Variants in SBF2 observed in about 807,000 individuals in gnomAD.
SBF2 encodes the protein myotubularin-related protein 13.
In SBF2, 112 loss-of-function variants were observed where a neutral mutation model predicts 225.2. The observed-to-expected ratio is 0.50, with a 90% confidence interval of 0.43 to 0.58. The LOEUF is 0.58. SBF2 is among the 20% of genes least tolerant of loss of function. The pLI, the probability that SBF2 is intolerant of heterozygous loss-of-function variation, is 0.00. For missense variants in SBF2, 1,996 were observed against 2,206.2 expected (o/e 0.90, Z 1.91); for synonymous variants, 763 against 773.3 (o/e 0.99, Z 0.22).
At chr11:10,056,355 G>A (rs895901382) in intron 2 of SBF2, among the ~76,000 whole-genome samples, 1 of 152,154 alleles carries the variant, frequency 6.6e-6, no homozygotes, top group Non-Finnish European at 1.5e-5. Flanking sequence ...TAATGATACT[G>A]ATTCTTCCTA....
chr11:10,042,547 GGAAAA>G, intron 3 of SBF2, among the ~76,000 whole-genome samples: 1 of 152,112 alleles, frequency 6.6e-6, no homozygotes, highest in South Asian at 2.1e-4. Context: ...GGGCTGGCAG[GGAAAA>G]TCACAGGTTC....
rs139451435 is a variant in SBF2, at chr11:9,958,638, G to C, written c.1860+3319C>G. The stretch of plus-strand genomic sequence containing the variant: ...CTCCCAAAGTGCTGGGATTACAGGC[G>C]TGAGCATCCTTTCAGTTACAATTAG... On this transcript the variant is annotated intron_variant, in intron 16 of 39. Coordinates refer to ENST00000256190, the MANE Select transcript of SBF2 (RefSeq NM_030962.4). 7.2e-5 allele frequency: 19 copies of C among 262,654 alleles called. 1 individual carries two copies. In the South Asian group the frequency reaches 8.4e-4, roughly 12 times the overall value. The allele number at this position is 262,654 out of a possible 1,614,324, so 16.3% of individuals were successfully genotyped here.
At chr11:9,913,643 AAAAAT>A (rs142122670) in intron 16 of SBF2, among the ~76,000 whole-genome samples, 38,727 of 144,640 alleles carry the variant, frequency 0.27, 6,023 homozygotes, top group African/African-American at 0.44. Context: ...CTGAGATTAA[AAAAAT>A]AAAATAAAAT....
In SBF2 at chr11:10,229,280, T is replaced by C. The variant is rs181853994; in HGVS notation, c.56-35293A>G. Among the ~76,000 whole-genome samples the C allele has an allele frequency of 3.8e-3, 585 of 152,282 alleles. 4 individuals carry two copies. The highest frequency in any genetic ancestry group is 5.4e-3 in the South Asian group (26 of 4,822). On this transcript the variant is annotated intron_variant, in intron 1 of 39. Coordinates refer to ENST00000256190, the MANE Select transcript of SBF2 (RefSeq NM_030962.4). ...TTCAAAAAACCAGCTCCTGGATTCA[T>C]TGATTTTTTGAAGGGTTTTTTGTGT...
intron 17 of SBF2, among the ~76,000 whole-genome samples, chr11:9,873,825 G>A (rs930060161): frequency 6.6e-6 from 1 of 152,168 alleles, no homozygotes; most frequent in Non-Finnish European, 1.5e-5. Flanking sequence ...GAGGCGGGTG[G>A]ATCACCTGAG....
chr11:10,074,354 T>G (rs1430675140), intron 2 of SBF2, among the ~76,000 whole-genome samples: 1 of 152,224 alleles, frequency 6.6e-6, no homozygotes. Flanking sequence ...ATGTTGAACA[T>G]GTTTGAATCA....
At chr11:10,092,275 A>AT (rs1019004928) in intron 2 of SBF2, among the ~76,000 whole-genome samples, 43 of 152,238 alleles carry the variant, frequency 2.8e-4, no homozygotes, top group African/African-American at 9.6e-4. Flanking sequence ...TAATATGCTA[A>AT]TTTTTTTCTT....
At chr11:9,964,019 G>T in intron 14 of SBF2, 137 bp from the exon 15 acceptor site, 1 of 635,784 alleles carries the variant, frequency 1.6e-6, no homozygotes, top group Non-Finnish European at 2.8e-6. Flanking sequence ...GGGAGGCTGA[G>T]GTGGGATGAT....
chr11:9,922,651 TGTA>T, intron 16 of SBF2, among the ~76,000 whole-genome samples: 1 of 152,220 alleles, frequency 6.6e-6, no homozygotes, highest in East Asian at 1.9e-4. Context: ...AAAGACCATC[TGTA>T]GTGTACTGAA....
intron 6 of SBF2, among the ~76,000 whole-genome samples, chr11:10,025,459 G>C (rs184773334): frequency 2.8e-4 from 42 of 152,120 alleles, no homozygotes; most frequent in African/African-American, 1.0e-3. Context: ...GTACTGATCA[G>C]CTTCTCAGCC....
intron 35 of SBF2, 55 bp from the exon 36 acceptor site, chr11:9,787,793 C>T: frequency 1.4e-6 from 2 of 1,442,104 alleles, no homozygotes; most frequent in South Asian, 2.3e-5. Flanking sequence ...CAGGATGGGC[C>T]CCAAAGCCAC....
chr11:10,208,205 G>A (rs1957808275), intron 1 of SBF2, among the ~76,000 whole-genome samples: 1 of 151,934 alleles, frequency 6.6e-6, no homozygotes, highest in Non-Finnish European at 1.5e-5. Flanking sequence ...TAAACTTCAG[G>A]CACGGTAAAC....
chr11:9,824,376 G>A (rs1854945753), intron 28 of SBF2, among the ~76,000 whole-genome samples: 1 of 152,024 alleles, frequency 6.6e-6, no homozygotes, highest in South Asian at 2.1e-4. Context: ...GGCCAACGTG[G>A]TGAAACCCCA....
chr11:10,094,786 T>C (rs1565222479), intron 2 of SBF2, among the ~76,000 whole-genome samples: 1 of 151,970 alleles, frequency 6.6e-6, no homozygotes, highest in Non-Finnish European at 1.5e-5. Context: ...ATTATAGGCA[T>C]GAGCCACCGT....
intron 17 of SBF2, among the ~76,000 whole-genome samples, chr11:9,892,966 G>A (rs1355230957): frequency 1.3e-5 from 2 of 152,106 alleles, no homozygotes; most frequent in Non-Finnish European, 2.9e-5. Flanking sequence ...TAAGTTCCTA[G>A]GGACCATGTC....
At chr11:10,123,190 T>A (rs1261508799) in intron 2 of SBF2, among the ~76,000 whole-genome samples, 2 of 152,024 alleles carry the variant, frequency 1.3e-5, no homozygotes, top group Non-Finnish European at 2.9e-5. Context: ...CCGAAATGAA[T>A]CCATGTATGC....
chr11:9,801,004 T>A (rs1458073025), intron 32 of SBF2, among the ~76,000 whole-genome samples: 1 of 151,880 alleles, frequency 6.6e-6, no homozygotes, highest in Admixed American at 6.5e-5. Context: ...GTTTTCTTTA[T>A]TGTTGGCCAC....
chr11:10,050,191 G>C (rs958646871), intron 2 of SBF2, among the ~76,000 whole-genome samples: 1 of 152,076 alleles, frequency 6.6e-6, no homozygotes, highest in African/African-American at 2.4e-5. Flanking sequence ...AGAAACTACA[G>C]GTTTTCAATA....
chr11:10,139,310 A>T (rs1159611217), intron 2 of SBF2, among the ~76,000 whole-genome samples: 1 of 152,196 alleles, frequency 6.6e-6, no homozygotes, highest in Non-Finnish European at 1.5e-5. Context: ...GGCATATTGT[A>T]GAGTCTCCAG....
Sources: gnomAD v4.1 joint callset for allele counts (sites outside exome capture counted in the v4.1 genomes callset) on GRCh38, gnomAD v4.1.1 for gene constraint, MANE v1.5 for transcripts, NCBI Gene and HGNC (gene_info 2026-07-23, HGNC 2026-07-21) for gene names.